The following NBAS variants were observed in gnomAD, a reference collection of about 807,000 sequenced individuals.
The protein encoded by NBAS is NAG/BC035112 fusion.
A neutral mutation model predicts 302.5 loss-of-function variants in NBAS; 219 were observed. The observed-to-expected ratio is 0.72, with a 90% confidence interval of 0.65 to 0.81. NBAS has a LOEUF of 0.81. Among genes scored for constraint, NBAS ranks in the 30% least tolerant of loss-of-function variants. NBAS has a pLI of 0.00. For missense variants in NBAS, 2,932 were observed against 2,841.6 expected, an observed-to-expected ratio of 1.03 and a Z score of -0.72; for synonymous variants, 1,118 against 1,021.6, an observed-to-expected ratio of 1.09 and a Z score of -1.80.
At chr2:14,846,246 G>A in the NBAS span, among the ~76,000 whole-genome samples, 1 of 151,782 alleles carries the variant, frequency 6.6e-6, no homozygotes, top group African/African-American at 2.4e-5. Flanking sequence ...AGGAGAGAGT[G>A]GTATGACACA....
chr2:15,237,836 G>A lies in NBAS; in HGVS notation c.5943+632C>T, dbSNP rs1404626652. Among the ~76,000 whole-genome samples the A allele has an allele frequency of 6.7e-5, 10 of 149,826 alleles. No individual in the cohort carries two copies. In the South Asian group the frequency reaches 2.1e-3, roughly 32 times the overall value. On this transcript the variant is annotated intron_variant, in intron 45 of 51. Transcript: ENST00000281513. The stretch of plus-strand genomic sequence containing the variant: ...GTCGCCCAGGCTGGAGTGCAGGGGC[G>A]TGATCTCAGCTCACTGCAAACTCCG...
intron 35 of NBAS, among the ~76,000 whole-genome samples, chr2:15,347,811 T>C (rs1673165279): frequency 6.6e-6 from 1 of 152,210 alleles, no homozygotes; most frequent in African/African-American, 2.4e-5. Context: ...AAATCTGTAA[T>C]TTTGGTAGTT....
chr2:15,120,768 T>C, the NBAS span, among the ~76,000 whole-genome samples: 1 of 152,196 alleles, frequency 6.6e-6, no homozygotes, highest in Admixed American at 6.5e-5. Context: ...GGAATATACA[T>C]AAAAAGCGAA....
intron 48 of NBAS, among the ~76,000 whole-genome samples, chr2:15,195,130 G>A (rs2125150595): frequency 6.6e-6 from 1 of 152,230 alleles, no homozygotes; most frequent in South Asian, 2.1e-4. Context: ...TTATTTACAT[G>A]TATAGAATCT....
At chr2:15,446,184 G>C (rs1017812054) in intron 21 of NBAS, among the ~76,000 whole-genome samples, 2 of 151,914 alleles carry the variant, frequency 1.3e-5, no homozygotes, top group African/African-American at 4.8e-5. Flanking sequence ...GTGAAACTCT[G>C]AAGTCCATAG....
At chr2:15,348,750 A>T (rs1275727671) in intron 35 of NBAS, among the ~76,000 whole-genome samples, 5 of 152,032 alleles carry the variant, frequency 3.3e-5, no homozygotes, top group Admixed American at 6.6e-5. Flanking sequence ...CCACTGACTG[A>T]TCATTATGCA....
intron 21 of NBAS, among the ~76,000 whole-genome samples, chr2:15,438,494 A>C (rs890686399): frequency 2.0e-5 from 3 of 152,214 alleles, no homozygotes; most frequent in African/African-American, 7.2e-5. Context: ...CTCTTGAATT[A>C]ATCTAAAAAA....
At chr2:15,414,317 AAT>A (rs1349052332) in intron 25 of NBAS, among the ~76,000 whole-genome samples, 1 of 152,208 alleles carries the variant, frequency 6.6e-6, no homozygotes. Flanking sequence ...GGTGCAATGA[AAT>A]AGTCCCAGCC....
At chr2:14,872,973 C>G in the NBAS span, among the ~76,000 whole-genome samples, 15 of 152,184 alleles carry the variant, frequency 9.9e-5, no homozygotes, top group Non-Finnish European at 1.9e-4. Flanking sequence ...GCAGCGCAGA[C>G]CCAGTGAGCA....
intron 40 of NBAS, 95 bp downstream of exon 40, chr2:15,308,121 G>A: frequency 6.4e-7 from 1 of 1,564,436 alleles, no homozygotes; most frequent in Non-Finnish European, 8.8e-7. Flanking sequence ...GGATACATAT[G>A]TAATCAGTTC....
the NBAS span, among the ~76,000 whole-genome samples, chr2:15,152,953 A>C: frequency 6.6e-6 from 1 of 152,252 alleles, no homozygotes; most frequent in Non-Finnish European, 1.5e-5. Context: ...AAGAGAACAG[A>C]GATTTAGGGC....
At chr2:14,801,185 C>A in the NBAS span, among the ~76,000 whole-genome samples, 2 of 152,070 alleles carry the variant, frequency 1.3e-5, no homozygotes, top group Non-Finnish European at 2.9e-5. Flanking sequence ...AATTTCCATT[C>A]ATTGGTGTTT....
the NBAS span, among the ~76,000 whole-genome samples, chr2:14,897,325 G>A: frequency 1.3e-5 from 2 of 152,182 alleles, no homozygotes; most frequent in South Asian, 4.1e-4. Flanking sequence ...CCTAAGGAGA[G>A]AAGTTTGATA....
chr2:14,867,974 A>G, the NBAS span, among the ~76,000 whole-genome samples: 1 of 152,220 alleles, frequency 6.6e-6, no homozygotes, highest in Non-Finnish European at 1.5e-5. Context: ...ATGAAGTGGC[A>G]TTCAAACCCA....
the NBAS span, among the ~76,000 whole-genome samples, chr2:14,788,993 A>C: frequency 1.3e-5 from 2 of 152,162 alleles, no homozygotes; most frequent in African/African-American, 4.8e-5. Flanking sequence ...ACCCAGTTGG[A>C]GCTTCCTGGC....
chr2:14,823,833 T>G, the NBAS span, among the ~76,000 whole-genome samples: 1 of 152,182 alleles, frequency 6.6e-6, no homozygotes, highest in Non-Finnish European at 1.5e-5. Flanking sequence ...ATATCTTAAA[T>G]AAAATTTTAA....
At chr2:15,077,903 C>T in the NBAS span, among the ~76,000 whole-genome samples, 3 of 151,908 alleles carry the variant, frequency 2.0e-5, no homozygotes, top group Non-Finnish European at 2.9e-5. Context: ...AGGCTGGTCT[C>T]GAACTCCTGA....
At chr2:15,391,660 A>G (rs2148404246) in intron 28 of NBAS, among the ~76,000 whole-genome samples, 1 of 152,222 alleles carries the variant, frequency 6.6e-6, no homozygotes, top group South Asian at 2.1e-4. Flanking sequence ...GATGGAAACT[A>G]TAAACCCAAA....
intron 12 of NBAS, among the ~76,000 whole-genome samples, chr2:15,482,104 GCATAAAAACAGTCTTCC>G (rs1471880362): frequency 6.6e-5 from 10 of 152,028 alleles, no homozygotes; most frequent in African/African-American, 2.4e-4. Context: ...TCAAAACTAA[GCATAAAAACAGTCTTCC>G]CTGGGTCTTT....
Sources: allele counts gnomAD v4.1 joint callset (sites outside exome capture counted in the v4.1 genomes callset), GRCh38; gene constraint gnomAD v4.1.1; transcripts MANE v1.5; gene names NCBI Gene and HGNC (gene_info 2026-07-23, HGNC 2026-07-21).